SAMD5: variants seen among roughly 807,000 people sequenced by gnomAD.
The protein encoded by SAMD5 is sterile alpha motif domain-containing protein 5.
A neutral mutation model predicts 11.3 loss-of-function variants in SAMD5; 13 were observed. The observed-to-expected ratio is 1.15, with a 90% CI of 0.75 to 1.83. The LOEUF (loss-of-function observed/expected upper bound fraction) is 1.83. Among genes scored for constraint, SAMD5 ranks in the 40% most tolerant of loss-of-function variants. The pLI is 0.00. For missense variants in SAMD5, 255 were observed against 239.1 expected, an observed-to-expected ratio of 1.07 and a Z score of -0.44; for synonymous variants, 129 against 111.3, an observed-to-expected ratio of 1.16 and a Z score of -1.00.
chr6:147,601,858 G>T (rs1457360624), intron 1 of SAMD5, among the ~76,000 whole-genome samples: 1 of 152,190 alleles, frequency 6.6e-6, no homozygotes. Flanking sequence ...TGAAGAAGCA[G>T]CTGCCAGAAG....
At chr6:147,541,229 C>T (rs930210292) in intron 1 of SAMD5, among the ~76,000 whole-genome samples, 8 of 152,114 alleles carry the variant, frequency 5.3e-5, no homozygotes, top group East Asian at 1.9e-4. Context: ...GGATTACAGG[C>T]GTAAGCCACG....
intron 1 of SAMD5, among the ~76,000 whole-genome samples, chr6:147,724,006 T>G (rs931948458): frequency 6.6e-6 from 1 of 152,236 alleles, no homozygotes; most frequent in Non-Finnish European, 1.5e-5. Flanking sequence ...CTTCTTCAAT[T>G]GTATTGAGCC....
the SAMD5 span, among the ~76,000 whole-genome samples, chr6:147,915,580 G>A: frequency 1.3e-5 from 2 of 152,180 alleles, no homozygotes; most frequent in African/African-American, 2.4e-5. Flanking sequence ...TGCGCATCAA[G>A]TGACTAGCAA....
rs112529466 is a variant in SAMD5 at position 147,522,326 on chromosome 6, C to T, written c.459+12939C>T. 9.8e-3 allele frequency among the ~76,000 whole-genome samples: 1,486 copies of T among 152,170 alleles called. 22 individuals carry two copies. Among genetic ancestry groups the T allele is most frequent in the African/African-American group, 0.034 (1,413 of 41,532 alleles). On this transcript the variant is annotated intron_variant, in intron 1 of 1. Transcript: ENST00000367474. ...ATCCTGCTGCTGGCTGTCAGTTTAA[C>T]GTAGTTTTCATGACTATATTAAGGA... is the stretch of plus-strand genomic sequence containing the variant.
At chr6:147,582,331 C>T (rs1196440285) in intron 1 of SAMD5, among the ~76,000 whole-genome samples, 1 of 90,834 alleles carries the variant, frequency 1.1e-5, no homozygotes, top group African/African-American at 4.0e-5. Flanking sequence ...CCGCACCCCC[C>T]CACCAAAAAA....
At chr6:147,669,049 C>T (rs1329013879) in intron 1 of SAMD5, among the ~76,000 whole-genome samples, 3 of 152,038 alleles carry the variant, frequency 2.0e-5, no homozygotes, top group Admixed American at 2.0e-4. Context: ...GTGGTGGTTG[C>T]AGAACGTTGG....
At chr6:147,716,004 T>C (rs1424456341) in intron 1 of SAMD5, among the ~76,000 whole-genome samples, 1 of 152,284 alleles carries the variant, frequency 6.6e-6, no homozygotes, top group East Asian at 1.9e-4. Flanking sequence ...CTCTGGTCCA[T>C]GGGACTGGCA....
rs959914331 is a variant in SAMD5 at position 147,568,635 on chromosome 6, C to T, written c.*4179C>T. On this transcript the variant is annotated 3_prime_UTR_variant, in exon 2 of 2. Transcript: ENST00000367474. The stretch of plus-strand genomic sequence containing the variant: ...CTTACAGTAAAGCCATATAGATGCA[C>T]ACATAGTGACTTTATTAAATCAAAT... 5.1e-6 allele frequency: 5 copies of T among 985,008 alleles called. No individual in the cohort carries two copies. In the African/African-American group the frequency reaches 8.7e-5, roughly 17 times the overall value. 61.0% of individuals were successfully genotyped at this position (985,008 alleles called of 1,614,324 possible).
chr6:147,509,429 AG>A (rs1343974424), intron 1 of SAMD5, 42 bp downstream of exon 1: 3 of 1,484,044 alleles, frequency 2.0e-6, no homozygotes, highest in Non-Finnish European at 1.8e-6. Context: ...GCGCGGCGGG[AG>A]GGGACACAGC....
the SAMD5 span, among the ~76,000 whole-genome samples, chr6:147,919,076 G>C: frequency 6.6e-6 from 1 of 152,164 alleles, no homozygotes; most frequent in African/African-American, 2.4e-5. Context: ...ATCCAATCTA[G>C]GGATGGGGAG....
At chr6:147,738,199 T>C (rs1278279568), downstream of SAMD5, among the ~76,000 whole-genome samples, 1 of 152,112 alleles carries the variant, frequency 6.6e-6, no homozygotes, top group Non-Finnish European at 1.5e-5. Context: ...GGGAAATATA[T>C]GGTAGTGGTG....
intron 1 of SAMD5, among the ~76,000 whole-genome samples, chr6:147,671,969 C>A (rs1333937518): frequency 7.1e-6 from 1 of 140,362 alleles, no homozygotes; most frequent in African/African-American, 2.7e-5. Context: ...TTGACAAATT[C>A]CATAGAAAAT....
At chr6:147,947,248 A>G in the SAMD5 span, among the ~76,000 whole-genome samples, 2 of 152,190 alleles carry the variant, frequency 1.3e-5, no homozygotes, top group African/African-American at 4.8e-5. Context: ...TTAGCTCACA[A>G]GAGTTTTTGC....
the SAMD5 span, among the ~76,000 whole-genome samples, chr6:147,858,025 G>A: frequency 6.6e-6 from 1 of 152,034 alleles, no homozygotes; most frequent in African/African-American, 2.4e-5. Flanking sequence ...TTTCACTCAG[G>A]GTGCTCTCAG....
chr6:147,733,804 GT>G, intron 1 of SAMD5: 1 of 962,366 alleles, frequency 1.0e-6, no homozygotes, highest in African/African-American at 1.8e-5. Context: ...TTTAAAGCCA[GT>G]TTTAAGGTAA....
chr6:147,561,752 T>C (rs754019231), intron 1 of SAMD5, among the ~76,000 whole-genome samples: 2 of 152,194 alleles, frequency 1.3e-5, no homozygotes, highest in Non-Finnish European at 2.9e-5. Context: ...GTCAGAATTT[T>C]AAAACCGTTC....
the SAMD5 span, among the ~76,000 whole-genome samples, chr6:147,822,932 A>C: frequency 6.6e-6 from 1 of 152,136 alleles, no homozygotes. Context: ...CTCCTGTCTC[A>C]GCCTCCCCAG....
At chr6:147,774,356 A>G in the SAMD5 span, among the ~76,000 whole-genome samples, 2 of 152,096 alleles carry the variant, frequency 1.3e-5, no homozygotes, top group East Asian at 3.9e-4. Flanking sequence ...AGGCTTAATT[A>G]AAGTACAATT....
chr6:147,569,323 AGTGTT>A lies in SAMD5; in HGVS notation c.*4868_*4872del. On this transcript the variant is annotated 3_prime_UTR_variant, in exon 2 of 2. Coordinates refer to ENST00000367474, the MANE Select transcript of SAMD5 (RefSeq NM_001030060.3). ...AAATTGTTTAAACTCCTGGAAATTA[AGTGTT>A]ATTTTTTATTACTGCAGTTGAGAGA... 1.9e-6 allele frequency: 1 copy of A among 513,356 alleles called. No homozygotes were observed. Among genetic ancestry groups the A allele is most frequent in the Non-Finnish European group, 2.5e-6 (1 of 399,854 alleles). 31.8% of individuals were successfully genotyped at this position (513,356 alleles called of 1,614,324 possible).
Sources: gnomAD v4.1 joint callset for allele counts (sites outside exome capture counted in the v4.1 genomes callset) on GRCh38, gnomAD v4.1.1 for gene constraint, MANE v1.5 for transcripts, NCBI Gene and HGNC (gene_info 2026-07-23, HGNC 2026-07-21) for gene names.